APBA1: variants seen among roughly 807,000 people sequenced by gnomAD.
APBA1 encodes the protein amyloid beta precursor protein binding family A member 1, also known as amyloid-beta A4 precursor protein-binding family A member 1.
In APBA1, 55 loss-of-function variants were observed where a neutral mutation model predicts 86.6. That is an observed-to-expected ratio of 0.64 (90% CI 0.51 to 0.80). The LOEUF (loss-of-function observed/expected upper bound fraction) is 0.80, where lower values mean the gene tolerates loss of function less well. APBA1 is among the 30% of genes least tolerant of loss of function. The pLI, the probability that APBA1 is intolerant of heterozygous loss-of-function variation, is 0.00. For missense variants in APBA1, 1,090 were observed against 1,183.0 expected, an observed-to-expected ratio of 0.92 and a Z score of 1.15; for synonymous variants, 511 against 493.9, an observed-to-expected ratio of 1.03 and a Z score of -0.46.
intron 1 of APBA1, among the ~76,000 whole-genome samples, chr9:69,549,306 T>C (rs1291459986): frequency 6.6e-6 from 1 of 152,120 alleles, no homozygotes; most frequent in African/African-American, 2.4e-5. Context: ...GGCTGTAGCC[T>C]TACTGTCATT....
intron 1 of APBA1, among the ~76,000 whole-genome samples, chr9:69,669,338 GAAAC>G (rs929922029): frequency 6.6e-6 from 1 of 151,932 alleles, no homozygotes; most frequent in Non-Finnish European, 1.5e-5. Context: ...TAAGTCTTCC[GAAAC>G]AAACAAACAC....
intron 1 of APBA1, among the ~76,000 whole-genome samples, chr9:69,640,169 T>C (rs565595342): frequency 6.6e-6 from 1 of 152,222 alleles, no homozygotes; most frequent in South Asian, 2.1e-4. Flanking sequence ...TATGTACAAC[T>C]CCTAAAGCCA....
At chr9:69,497,368 T>C (rs954007231) in intron 2 of APBA1, among the ~76,000 whole-genome samples, 3 of 151,958 alleles carry the variant, frequency 2.0e-5, no homozygotes, top group Admixed American at 6.6e-5. Flanking sequence ...CCAAGACCCC[T>C]TAACTCTGTG....
intron 2 of APBA1, among the ~76,000 whole-genome samples, chr9:69,482,296 TC>T (rs1392639115): frequency 2.0e-5 from 3 of 151,702 alleles, no homozygotes; most frequent in Admixed American, 6.6e-5. Context: ...AACAACCTCA[TC>T]AAAAAGTGGG....
At chr9:69,526,488 C>T (rs1836344785) in intron 1 of APBA1, among the ~76,000 whole-genome samples, 1 of 152,102 alleles carries the variant, frequency 6.6e-6, no homozygotes. Flanking sequence ...TATCACTAAT[C>T]ATCAGAGAAT....
intron 2 of APBA1, among the ~76,000 whole-genome samples, chr9:69,511,809 A>G (rs1836047978): frequency 6.6e-6 from 1 of 152,042 alleles, no homozygotes; most frequent in African/African-American, 2.4e-5. Flanking sequence ...CATTCTCAGT[A>G]AACTATCGCA....
chr9:69,568,052 T>A (rs1176517220), intron 1 of APBA1, among the ~76,000 whole-genome samples: 1 of 152,176 alleles, frequency 6.6e-6, no homozygotes, highest in African/African-American at 2.4e-5. Context: ...ACAGTAAGTA[T>A]GAGAAATGAC....
chr9:69,469,628 G>A (rs148130098), intron 4 of APBA1, among the ~76,000 whole-genome samples: 120 of 152,204 alleles, frequency 7.9e-4, no homozygotes, highest in African/African-American at 2.9e-3. Flanking sequence ...CAGCCACAGG[G>A]GCCCGCTCTG....
chr9:69,442,367 G>T (rs536231487), intron 10 of APBA1, among the ~76,000 whole-genome samples: 4 of 152,166 alleles, frequency 2.6e-5, no homozygotes, highest in African/African-American at 9.7e-5. Flanking sequence ...ATAGCCCTCA[G>T]TGGGAAGCAC....
rs540405828 is a variant in APBA1 at position 69,431,571 on chromosome 9, G to C, written c.2443-173C>G. 1.6e-3 allele frequency among the ~76,000 whole-genome samples: 241 copies of C among 152,348 alleles called. 2 individuals carry two copies. Among genetic ancestry groups the C allele is most frequent in the Middle Eastern group, 3.4e-3 (1 of 294 alleles). Reference sequence around the variant, plus strand: ...CCCAGGGTGGCCTCCAGGAACAGTGGAATCCACTGACTTTCTCAAAAGCTT... The same window carrying C: ...CCCAGGGTGGCCTCCAGGAACAGTGCAATCCACTGACTTTCTCAAAAGCTT... On this transcript the variant is annotated intron_variant, in intron 12 of 12. Coordinates refer to ENST00000265381, the MANE Select transcript of APBA1 (RefSeq NM_001163.4).
Position 69,534,993 on chromosome 9 carries a change from A to G in APBA1, c.-69-17714T>C, listed in dbSNP as rs115280807. 3.8e-3 allele frequency among the ~76,000 whole-genome samples: 575 copies of G among 152,230 alleles called. 2 individuals are homozygous for G. The highest frequency in any genetic ancestry group is 0.013 in the African/African-American group (548 of 41,540). ...CTTCTTTTTCCGTAAATGACACATC[A>G]TCTGGTCTTTCTACTTTATCTTTCC... On this transcript the variant is annotated intron_variant, in intron 1 of 12. Coordinates refer to ENST00000265381, the MANE Select transcript of APBA1 (RefSeq NM_001163.4).
At chr9:69,612,191 T>C (rs1022708945) in intron 1 of APBA1, among the ~76,000 whole-genome samples, 2 of 152,070 alleles carry the variant, frequency 1.3e-5, no homozygotes, top group Non-Finnish European at 2.9e-5. Flanking sequence ...AAGGTTCTTA[T>C]ATAGGTGAAC....
chr9:69,467,860 C>A lies in APBA1; in HGVS notation c.1445G>T (p.Arg482Leu), dbSNP rs367760423. 2.5e-6 allele frequency: 4 copies of A among 1,614,112 alleles called. No homozygotes were observed. Among genetic ancestry groups the A allele is most frequent in the Non-Finnish European group, 3.4e-6 (4 of 1,180,030 alleles). ...LSDKTPSKNV[R>L]MMQAQEAVSR... ...TACGGCTTCCTGGGCCTGCATCATGCGCACGTTTTTGGAAGGAGTTTTGTC... is the reference window on the plus strand; with the variant it reads ...TACGGCTTCCTGGGCCTGCATCATGAGCACGTTTTTGGAAGGAGTTTTGTC... Residue 482 changes from arginine to leucine, a missense_variant, in exon 5 of 13, where the codon CGC becomes CTC. Arg to Leu is a moderately radical substitution (Grantham distance 102, BLOSUM62 -2). Transcript: ENST00000265381.
At chr9:69,658,002 G>A (rs1421085718) in intron 1 of APBA1, among the ~76,000 whole-genome samples, 3 of 152,214 alleles carry the variant, frequency 2.0e-5, no homozygotes, top group Non-Finnish European at 4.4e-5. Context: ...AAAGGATGGG[G>A]TGGAGAAGGC....
At chr9:69,491,179 A>G (rs561448818) in intron 2 of APBA1, among the ~76,000 whole-genome samples, 4 of 152,236 alleles carry the variant, frequency 2.6e-5, no homozygotes, top group African/African-American at 9.6e-5. Flanking sequence ...GGCACTATTC[A>G]CAATAGCAAA....
chr9:69,602,748 G>A (rs954137521), intron 1 of APBA1, among the ~76,000 whole-genome samples: 12 of 152,122 alleles, frequency 7.9e-5, no homozygotes, highest in Admixed American at 2.0e-4. Context: ...GGCCCTGGGG[G>A]AGAGATTGGG....
chr9:69,564,716 A>G (rs1836998474), intron 1 of APBA1, among the ~76,000 whole-genome samples: 1 of 152,196 alleles, frequency 6.6e-6, no homozygotes, highest in Non-Finnish European at 1.5e-5. Context: ...CCCTTCCTGC[A>G]TTGCTGGCAG....
At chr9:69,645,838 G>A (rs1823380976) in intron 1 of APBA1, among the ~76,000 whole-genome samples, 1 of 152,172 alleles carries the variant, frequency 6.6e-6, no homozygotes, top group South Asian at 2.1e-4. Context: ...TTGGTGTTGG[G>A]TGCTGCTCCA....
intron 4 of APBA1, among the ~76,000 whole-genome samples, chr9:69,470,776 A>T (rs1039930112): frequency 6.6e-6 from 1 of 152,202 alleles, no homozygotes. Context: ...ACCCAGGTGG[A>T]CCCTCAGCAT....
Sources: allele counts gnomAD v4.1 joint callset (sites outside exome capture counted in the v4.1 genomes callset), GRCh38; gene constraint gnomAD v4.1.1; transcripts MANE v1.5; gene names NCBI Gene and HGNC (gene_info 2026-07-23, HGNC 2026-07-21).